PTPRD: variants seen among roughly 807,000 people sequenced by gnomAD.
PTPRD encodes the protein receptor-type tyrosine-protein phosphatase delta.
In PTPRD, 34 loss-of-function variants were observed where a neutral mutation model predicts 214.5. The observed-to-expected ratio is 0.16, with a 90% CI of 0.12 to 0.21. The LOEUF (loss-of-function observed/expected upper bound fraction) is 0.21. Ranked by LOEUF, PTPRD falls within the 10% of genes least tolerant of loss-of-function variation. The probability of loss-of-function intolerance (pLI) is 1.00; values close to 1 mark genes in which losing one functional copy is unlikely to be tolerated. For missense variants in PTPRD, 2,545 were observed against 2,398.7 expected (o/e 1.06, Z -1.27); for synonymous variants, 1,128 against 845.7 (o/e 1.33, Z -5.79).
At chr9:9,503,742 G>C (rs1297456835) in intron 8 of PTPRD, among the ~76,000 whole-genome samples, 1 of 151,700 alleles carries the variant, frequency 6.6e-6, no homozygotes, top group Non-Finnish European at 1.5e-5. Context: ...AGGAGGCTGA[G>C]AAGGGAGGGC....
intron 6 of PTPRD, among the ~76,000 whole-genome samples, chr9:9,743,116 C>T (rs552473751): frequency 5.0e-4 from 76 of 152,256 alleles, no homozygotes; most frequent in Middle Eastern, 3.4e-3. Context: ...CTCTCTACAT[C>T]CCCCTGCAAT....
chr9:8,544,167 T>TC (rs1315646008), intron 14 of PTPRD, among the ~76,000 whole-genome samples: 35 of 143,414 alleles, frequency 2.4e-4, no homozygotes, highest in Non-Finnish European at 3.1e-5. Flanking sequence ...GCCATTACTT[T>TC]TTTTTTTTTT....
At chr9:9,163,562 T>C (rs1272877382) in intron 10 of PTPRD, among the ~76,000 whole-genome samples, 1 of 152,064 alleles carries the variant, frequency 6.6e-6, no homozygotes, top group Non-Finnish European at 1.5e-5. Flanking sequence ...CATCTCTTCC[T>C]AATTGGCCTT....
intron 34 of PTPRD, among the ~76,000 whole-genome samples, chr9:8,445,630 T>C (rs910380482): frequency 6.6e-6 from 1 of 152,212 alleles, no homozygotes; most frequent in African/African-American, 2.4e-5. Context: ...CATCCTGGGA[T>C]CCTATCAGAC....
chr9:8,729,125 A>G lies in PTPRD; in HGVS notation c.64+4655T>C, dbSNP rs1360717226. On this transcript the variant is annotated intron_variant, in intron 12 of 45. Coordinates refer to ENST00000381196, the MANE Select transcript of PTPRD (RefSeq NM_002839.4). ...CTGTGTTTACCTACAGTAAATTTCTATAGTTCCTTCCTGTGAGCTGCTCAA... is the reference window on the plus strand; with the variant it reads ...CTGTGTTTACCTACAGTAAATTTCTGTAGTTCCTTCCTGTGAGCTGCTCAA... Among the ~76,000 whole-genome samples the G allele has an allele frequency of 6.6e-5, 10 of 152,312 alleles. No individual in the cohort carries two copies. The South Asian group carries it at 1.9e-3, about 28-fold the overall frequency.
intron 2 of PTPRD, among the ~76,000 whole-genome samples, chr9:10,521,335 G>C (rs2052194042): frequency 6.6e-6 from 1 of 152,148 alleles, no homozygotes; most frequent in Non-Finnish European, 1.5e-5. Flanking sequence ...TGAATTGCTG[G>C]AATGTCACGT....
intron 2 of PTPRD, among the ~76,000 whole-genome samples, chr9:10,401,311 T>C (rs946867203): frequency 4.6e-5 from 7 of 151,578 alleles, no homozygotes; most frequent in African/African-American, 1.7e-4. Flanking sequence ...GGTTCTGTCT[T>C]GCCTGAAGTA....
intron 2 of PTPRD, among the ~76,000 whole-genome samples, chr9:10,541,926 T>TA (rs776964533): frequency 6.6e-6 from 1 of 152,128 alleles, no homozygotes; most frequent in Non-Finnish European, 1.5e-5. Context: ...CCCTGGCAGA[T>TA]AAAACTGAAG....
intron 33 of PTPRD, among the ~76,000 whole-genome samples, chr9:8,453,877 G>A (rs546644553): frequency 6.6e-6 from 1 of 152,126 alleles, no homozygotes; most frequent in African/African-American, 2.4e-5. Context: ...ACTGGAATAT[G>A]GCATTGGGAG....
At chr9:9,068,818 G>GC (rs1409408053) in intron 10 of PTPRD, among the ~76,000 whole-genome samples, 4 of 151,964 alleles carry the variant, frequency 2.6e-5, no homozygotes, top group African/African-American at 4.8e-5. Context: ...CACTATGTTG[G>GC]CCAGGATGGT....
intron 10 of PTPRD, among the ~76,000 whole-genome samples, chr9:9,178,188 T>G (rs985973432): frequency 1.3e-5 from 2 of 152,072 alleles, no homozygotes; most frequent in African/African-American, 4.8e-5. Context: ...GCTGACTGTG[T>G]GTGTGTGTGT....
At chr9:8,827,815 C>G (rs182229118) in intron 11 of PTPRD, among the ~76,000 whole-genome samples, 1 of 152,110 alleles carries the variant, frequency 6.6e-6, no homozygotes, top group Admixed American at 6.6e-5. Flanking sequence ...TGGATGTAAT[C>G]CAATTAAGAC....
intron 30 of PTPRD, among the ~76,000 whole-genome samples, chr9:8,482,258 G>C (rs902841110): frequency 1.6e-4 from 24 of 148,196 alleles, no homozygotes; most frequent in Non-Finnish European, 5.9e-5. Flanking sequence ...TTACTCTCTT[G>C]ATCTCATCAT....
intron 2 of PTPRD, among the ~76,000 whole-genome samples, chr9:10,596,537 C>T (rs1057451882): frequency 1.9e-4 from 29 of 151,668 alleles, no homozygotes; most frequent in African/African-American, 6.5e-4. Flanking sequence ...AGAATAAGCA[C>T]ATATATTTAA....
intron 12 of PTPRD, among the ~76,000 whole-genome samples, chr9:8,658,619 C>G (rs964617588): frequency 1.3e-5 from 2 of 150,988 alleles, no homozygotes; most frequent in African/African-American, 4.9e-5. Flanking sequence ...ATGAATTTGG[C>G]CCCATAATTA....
intron 14 of PTPRD, among the ~76,000 whole-genome samples, chr9:8,547,641 T>TAAAAAA (rs759867541): frequency 9.0e-6 from 1 of 110,974 alleles, no homozygotes. Context: ...GAATCCTATT[T>TAAAAAA]AAAAAAAAAA....
At chr9:9,097,869 G>C (rs2099785920) in intron 10 of PTPRD, among the ~76,000 whole-genome samples, 1 of 152,046 alleles carries the variant, frequency 6.6e-6, no homozygotes, top group Admixed American at 6.6e-5. Context: ...TTCCTAAGGA[G>C]TAAACATTGG....
At chr9:8,495,771 C>T (rs1246606217) in intron 26 of PTPRD, among the ~76,000 whole-genome samples, 4 of 152,180 alleles carry the variant, frequency 2.6e-5, no homozygotes, top group Non-Finnish European at 5.9e-5. Context: ...AATGCTGCTG[C>T]ACTGGCAATC....
chr9:10,282,041 G>A (rs1309090448), intron 3 of PTPRD, among the ~76,000 whole-genome samples: 1 of 151,288 alleles, frequency 6.6e-6, no homozygotes, highest in African/African-American at 2.4e-5. Context: ...GTAGGAATCA[G>A]CTAATTTTCC....
Sources: gnomAD v4.1 joint callset for allele counts (sites outside exome capture counted in the v4.1 genomes callset) on GRCh38, gnomAD v4.1.1 for gene constraint, MANE v1.5 for transcripts, NCBI Gene and HGNC (gene_info 2026-07-23, HGNC 2026-07-21) for gene names.